The following GDF1 variants were observed in gnomAD, a reference collection of about 807,000 sequenced individuals.
GDF1 encodes growth differentiation factor 1.
A neutral mutation model predicts 7.4 loss-of-function variants in GDF1; 8 were observed. The observed-to-expected ratio is 1.09, with a 90% CI of 0.64 to 1.96. The LOEUF is 1.96. Ranked by LOEUF, GDF1 falls within the 30% of genes most tolerant of loss-of-function variation. GDF1 has a pLI of 0.00. For missense variants in GDF1, 574 were observed against 551.5 expected, an observed-to-expected ratio of 1.04 and a Z score of -0.41; for synonymous variants, 311 against 276.7, an observed-to-expected ratio of 1.12 and a Z score of -1.23.
intron 6 of GDF1, among the ~76,000 whole-genome samples, chr19:18,877,051 C>T (rs1395878400): frequency 6.6e-6 from 1 of 152,222 alleles, no homozygotes; most frequent in African/African-American, 2.4e-5. Context: ...GCCTGACTGC[C>T]TTCGTCCCAT....
rs369297915 is a variant in GDF1, at chr19:18,880,325, C to T, written c.-622G>A. 45 of 1,554,150 alleles carry T rather than the reference C, an allele frequency of 2.9e-5. No homozygotes were observed. Among genetic ancestry groups the T allele is most frequent in the East Asian group, 2.2e-4 (9 of 41,222 alleles). On this transcript the variant is annotated 5_prime_UTR_variant, in exon 4 of 8. Coordinates refer to ENST00000247005, the MANE Select transcript of GDF1 (RefSeq NM_001492.6). ...CAAGTCTGCTGCCAAGGCATGCAGC[C>T]GATGGTAGGAGCCGCCGCGGGACTT...
chr19:18,872,578 C>T (rs1364173236), intron 6 of GDF1, among the ~76,000 whole-genome samples: 1 of 151,784 alleles, frequency 6.6e-6, no homozygotes, highest in Non-Finnish European at 1.5e-5. Flanking sequence ...TGCGGTGGCA[C>T]GATCTTGGCT....
intron 1 of GDF1, among the ~76,000 whole-genome samples, chr19:18,894,264 G>A (rs1211090589): frequency 6.6e-6 from 1 of 151,738 alleles, no homozygotes; most frequent in Non-Finnish European, 1.5e-5. Flanking sequence ...GGTGGGTGGC[G>A]GGGCGCGGCT....
chr19:18,893,606 T>C, intron 1 of GDF1, 31 bp from the exon 2 acceptor site: 13 of 1,587,216 alleles, frequency 8.2e-6, no homozygotes, highest in Non-Finnish European at 1.1e-5. Flanking sequence ...GGGCAGCCAT[T>C]GGTGCTGGGG....
At chr19:18,884,464 G>T (rs534092633) in intron 2 of GDF1, among the ~76,000 whole-genome samples, 197 bp from the exon 3 acceptor site, 1 of 151,488 alleles carries the variant, frequency 6.6e-6, no homozygotes, top group South Asian at 2.1e-4. Flanking sequence ...TGTCGCCCAG[G>T]CTGGAGTGCA....
At chr19:18,893,916 T>G (rs1601193591) in intron 1 of GDF1, among the ~76,000 whole-genome samples, 1 of 133,532 alleles carries the variant, frequency 7.5e-6, no homozygotes. Context: ...CTGGTGGGGG[T>G]GACCCTTGAA....
At position 18,870,669 on chromosome 19, in the gene GDF1, C is replaced by T. The variant is rs1568292078; in HGVS notation, c.-312-50G>A. ...TAGCCTGGGAGCCCCACGCGGCCGC[C>T]TGGCCCTCTTTCCCGCTTCTTCTCT... is the stretch of plus-strand genomic sequence containing the variant. On this transcript the variant is annotated intron_variant, in intron 6 of 7. Coordinates refer to ENST00000247005, the MANE Select transcript of GDF1 (RefSeq NM_001492.6). This position sits in a 1 kb window ranked among gnomAD's most constrained non-coding sequence, Gnocchi z 5.1. The T allele has an allele frequency of 3.9e-6, 2 of 514,488 alleles. No homozygotes were observed. The highest frequency in any genetic ancestry group is 3.8e-5 in the Admixed American group (1 of 26,008). The allele number at this position is 514,488 out of a possible 1,614,324, so 31.9% of individuals were successfully genotyped here.
rs777172267 is a variant in GDF1, at chr19:18,884,179, C to T, written c.-825G>A. 22 of 1,613,546 alleles carry T rather than the reference C, an allele frequency of 1.4e-5. No homozygotes were observed. Among genetic ancestry groups the T allele is most frequent in the Admixed American group, 5.0e-5 (3 of 59,962 alleles). Reference sequence around the variant, plus strand: ...CCTTGCGCCAGGTGTCCATGTATAGCGTAGCGTAGATGGAGTGGCCATAGA... The same window carrying T: ...CCTTGCGCCAGGTGTCCATGTATAGTGTAGCGTAGATGGAGTGGCCATAGA... On this transcript the variant is annotated 5_prime_UTR_variant, in exon 3 of 8. Transcript: ENST00000247005.
chr19:18,879,422 A>AG, intron 4 of GDF1, 34 bp from the exon 5 acceptor site: 1 of 1,549,354 alleles, frequency 6.5e-7, no homozygotes, highest in Non-Finnish European at 8.7e-7. Context: ...CCGTGGGTGG[A>AG]GGGGGACGGT....
rs575712132 is a variant in GDF1 at position 18,884,158 on chromosome 19, G to C, written c.-804C>G. On this transcript the variant is annotated 5_prime_UTR_variant, in exon 3 of 8. Transcript: ENST00000247005. Reference sequence around the variant, plus strand: ...GGAGCAGCATGACCACCGAGTCCTTGCGCCAGGTGTCCATGTATAGCGTAG... The same window carrying C: ...GGAGCAGCATGACCACCGAGTCCTTCCGCCAGGTGTCCATGTATAGCGTAG... 1 of 1,613,790 alleles carries C rather than the reference G, an allele frequency of 6.2e-7. No homozygotes were observed. The highest frequency in any genetic ancestry group is 1.3e-5 in the African/African-American group (1 of 75,040).
chr19:18,875,689 A>C (rs977098909), intron 6 of GDF1, among the ~76,000 whole-genome samples: 13 of 152,168 alleles, frequency 8.5e-5, no homozygotes, highest in Non-Finnish European at 1.8e-4. Flanking sequence ...TTTCTTGGTC[A>C]TGAGACCACA....
At chr19:18,892,600 C>T (rs1055319302) in intron 2 of GDF1, among the ~76,000 whole-genome samples, 3 of 151,920 alleles carry the variant, frequency 2.0e-5, no homozygotes, top group Non-Finnish European at 4.4e-5. Context: ...GGCGACAGAG[C>T]GAGACTCCAT....
intron 4 of GDF1, 101 bp downstream of exon 4, chr19:18,880,173 C>T (rs2018392): frequency 0.88 from 1,063,042 of 1,206,744 alleles, 469,348 homozygotes; most frequent in Admixed American, 0.92. Flanking sequence ...CCCACCTCAC[C>T]GGGCCCCGCC....
chr19:18,880,272 A>T lies in GDF1; in HGVS notation c.-571+2T>A. On this transcript the variant is annotated splice_donor_variant, in intron 4 of 7. Transcript: ENST00000247005. LOFTEE classifies it low-confidence loss of function (5UTR_SPLICE). Reference sequence around the variant, plus strand: ...CCCTGCCCAGCACTCCCTACCACTCACCAGCTGAAGCCGAAGCTGAGGCAG... The same window carrying T: ...CCCTGCCCAGCACTCCCTACCACTCTCCAGCTGAAGCCGAAGCTGAGGCAG... 6.5e-7 allele frequency: 1 copy of T among 1,547,906 alleles called. No individual in the cohort carries two copies. The highest frequency in any genetic ancestry group is 8.7e-7 in the Non-Finnish European group (1 of 1,145,836).
intron 7 of GDF1, 73 bp downstream of exon 7, chr19:18,869,910 C>T: frequency 2.1e-6 from 3 of 1,451,734 alleles, no homozygotes; most frequent in Non-Finnish European, 2.8e-6. Flanking sequence ...CGGGCATCCC[C>T]GGGCCACTCT....
In GDF1 at chr19:18,878,423, C is replaced by A; in HGVS notation, c.-313+507G>T. The A allele has an allele frequency of 1.0e-6, 1 of 991,004 alleles. No homozygotes were observed. 61.4% of individuals were successfully genotyped at this position (991,004 alleles called of 1,614,324 possible). ...CTGGACTGAGTCTGAGCTCCCAGCCCCAGCTCCTGTTTGGCCGGGCAGTGG... is the reference window on the plus strand; with the variant it reads ...CTGGACTGAGTCTGAGCTCCCAGCCACAGCTCCTGTTTGGCCGGGCAGTGG... On this transcript the variant is annotated intron_variant, in intron 6 of 7. Transcript: ENST00000247005. The surrounding 1 kb of genome is among the most constrained non-coding windows in gnomAD (Gnocchi z 4.6).
chr19:18,892,688 G>A (rs1412335427), intron 2 of GDF1, among the ~76,000 whole-genome samples: 1 of 152,078 alleles, frequency 6.6e-6, no homozygotes, highest in East Asian at 1.9e-4. Flanking sequence ...CCCTCCTCCT[G>A]TCCCCATGAA....
intron 2 of GDF1, among the ~76,000 whole-genome samples, chr19:18,892,834 A>ATAC (rs2056525856): frequency 6.6e-6 from 1 of 152,030 alleles, no homozygotes; most frequent in Non-Finnish European, 1.5e-5. Context: ...GTCCCCAGGG[A>ATAC]TCACCTTTGT....
intron 1 of GDF1, among the ~76,000 whole-genome samples, chr19:18,894,428 C>A (rs540031258): frequency 6.6e-6 from 1 of 152,280 alleles, no homozygotes; most frequent in South Asian, 2.1e-4. Flanking sequence ...CCAAGAAGAT[C>A]AGCTTTGGAA....
Sources: gnomAD v4.1 joint callset for allele counts (sites outside exome capture counted in the v4.1 genomes callset) on GRCh38, gnomAD v4.1.1 for gene constraint, Gnocchi (gnomAD v3.1) non-coding constraint, MANE v1.5 for transcripts, NCBI Gene and HGNC (gene_info 2026-07-23, HGNC 2026-07-21) for gene names.